Variants in FDXR observed in about 807,000 individuals in gnomAD.
The protein encoded by FDXR is NADPH:adrenodoxin oxidoreductase, mitochondrial.
In FDXR, 38 loss-of-function variants were observed where a neutral mutation model predicts 58.3. The ratio of observed to expected loss-of-function variants is 0.65; its 90% CI spans 0.50 to 0.85. FDXR has a LOEUF of 0.85. Among genes scored for constraint, FDXR ranks in the 40% least tolerant of loss-of-function variants. FDXR has a pLI of 0.00. For synonymous variants in FDXR, 275 were observed against 273.8 expected (o/e 1.00, Z -0.04); for missense variants, 624 against 671.0 (o/e 0.93, Z 0.77).
intron 10 of FDXR, among the ~76,000 whole-genome samples, 185 bp downstream of exon 10, chr17:74,863,708 ATAT>A (rs2038057157): frequency 1.3e-5 from 2 of 152,218 alleles, no homozygotes; most frequent in South Asian, 2.1e-4. Flanking sequence ...CGTATGTCAC[ATAT>A]GTCCTAGCCA....
In FDXR at chr17:74,862,965, T is replaced by C. The variant is rs762199756; in HGVS notation, c.1346-18A>G. On this transcript the variant is annotated intron_variant, in intron 11 of 11. Transcript: ENST00000293195. ...CCGGACCCCTGAAGCAGAGGGGAGA[T>C]TGTCAACACCTCCTCCTTCACCCCT... 5 of 1,608,472 alleles carry C rather than the reference T, an allele frequency of 3.1e-6. No homozygotes were observed. The highest frequency in any genetic ancestry group is 1.3e-5 in the African/African-American group (1 of 74,888).
intron 2 of FDXR, among the ~76,000 whole-genome samples, chr17:74,867,861 T>C (rs689649): frequency 0.83 from 125,993 of 152,032 alleles, 52,821 homozygotes; most frequent in African/African-American, 0.94. Context: ...ATGACAGCTC[T>C]CTCTCATGGC....
intron 2 of FDXR, chr17:74,868,673 C>T (rs1398820066): frequency 1.3e-6 from 2 of 1,534,482 alleles, no homozygotes; most frequent in Non-Finnish European, 1.7e-6. Context: ...TCGTGGCTGA[C>T]CTCATCTTCC....
At chr17:74,871,928 C>T (rs2038386403) in intron 2 of FDXR, 108 bp downstream of exon 2, 1 of 766,962 alleles carries the variant, frequency 1.3e-6, no homozygotes, top group East Asian at 2.9e-5. Flanking sequence ...GGCTGGGAGC[C>T]CCTTCCCCAT....
chr17:74,870,867 A>G lies in FDXR; in HGVS notation c.177+1169T>C, dbSNP rs199885888. On this transcript the variant is annotated intron_variant, in intron 2 of 11. Transcript: ENST00000293195. The stretch of plus-strand genomic sequence containing the variant: ...GCCCAGGCTGGAGTACAGTGATTTG[A>G]TCTTGGCTCAGTGCTACCTCCACCT... Among the ~76,000 whole-genome samples the G allele has an allele frequency of 2.4e-5, 3 of 124,534 alleles. No individual in the cohort carries two copies. The East Asian group carries it at 7.4e-4, about 31-fold the overall frequency. 81.7% of individuals were successfully genotyped at this position (124,534 alleles called of 152,430 possible).
At chr17:74,868,383 C>T (rs2038265002) in intron 2 of FDXR, 1 of 681,380 alleles carries the variant, frequency 1.5e-6, no homozygotes, top group Admixed American at 2.1e-5. Context: ...ATCAGGCAGC[C>T]CGGGGTGCAA....
At chr17:74,871,370 A>G (rs1323996059) in intron 2 of FDXR, among the ~76,000 whole-genome samples, 1 of 152,176 alleles carries the variant, frequency 6.6e-6, no homozygotes, top group Non-Finnish European at 1.5e-5. Flanking sequence ...TTGTCTCTCC[A>G]CGGACACTCC....
At position 74,864,030 on chromosome 17, in the gene FDXR, T is replaced by C; in HGVS notation, c.1040A>G (p.Asp347Gly). The change falls in exon 10 of 12, where the codon GAC (aspartate) becomes GGC (glycine). Residue 347 changes from aspartate to glycine, a missense_variant. Transcript: ENST00000293195. ...DEATRAVPTG[D>G]MEDLPCGLVL... ...CAGCCCACAAGGGAGGTCTTCCATG[T>C]CTCCCGTGGGCACTGCACGGGTGGC... is the stretch of plus-strand genomic sequence containing the variant. 6.2e-7 allele frequency: 1 copy of C among 1,613,988 alleles called. No individual in the cohort carries two copies.
intron 1 of FDXR, chr17:74,872,373 T>G: frequency 1.9e-6 from 2 of 1,067,718 alleles, no homozygotes; most frequent in Non-Finnish European, 2.7e-6. Context: ...CCACTGCCAA[T>G]GGCCTGCCCA....
chr17:74,864,999 A>G (rs201356542), intron 6 of FDXR, 68 bp from the exon 7 acceptor site: 480 of 1,606,432 alleles, frequency 3.0e-4, no homozygotes, highest in Admixed American at 1.5e-3. Flanking sequence ...CCATTTGGTC[A>G]TGTCCCCACC....
intron 2 of FDXR, among the ~76,000 whole-genome samples, chr17:74,870,894 C>T (rs751888185): frequency 1.3e-4 from 19 of 151,092 alleles, no homozygotes; most frequent in Non-Finnish European, 4.4e-5. Flanking sequence ...CCTCCACCTC[C>T]TGGGTTCAAG....
intron 4 of FDXR, 80 bp downstream of exon 4, chr17:74,866,366 C>T (rs2038182642): frequency 1.9e-6 from 3 of 1,584,722 alleles, no homozygotes; most frequent in African/African-American, 1.3e-5. Flanking sequence ...CCTGGCCTCA[C>T]CCCTGCTGCC....
At chr17:74,868,536 C>T in intron 2 of FDXR, 1 of 1,521,654 alleles carries the variant, frequency 6.6e-7, no homozygotes. Flanking sequence ...AACACCTCAC[C>T]CAACCAACCT....
chr17:74,870,797 CTT>C lies in FDXR; in HGVS notation c.177+1237_177+1238del, dbSNP rs200476203. The stretch of plus-strand genomic sequence containing the variant: ...AAGGCAGCTCAAATGCACTGTCTCT[CTT>C]TTTTTTTTTTTTTTTTTTTTTGAGA... On this transcript the variant is annotated intron_variant, in intron 2 of 11. Transcript: ENST00000293195. 6.2e-3 allele frequency among the ~76,000 whole-genome samples: 551 copies of C among 88,408 alleles called. 5 individuals carry two copies. The highest frequency in any genetic ancestry group is 0.022 in the African/African-American group (527 of 23,886). 58.0% of individuals were successfully genotyped at this position (88,408 alleles called of 152,430 possible). A position where few individuals can be genotyped will look rare whatever the true frequency, so the allele number is the denominator to read the frequency against.
At chr17:74,868,541 C>A (rs1201840586) in intron 2 of FDXR, 30 of 1,527,174 alleles carry the variant, frequency 2.0e-5, no homozygotes, top group African/African-American at 2.7e-5. Flanking sequence ...CTCACCCAAC[C>A]AACCTCTCTG....
chr17:74,872,004 G>C, intron 2 of FDXR, 32 bp downstream of exon 2: 16 of 1,486,332 alleles, frequency 1.1e-5, no homozygotes, highest in Non-Finnish European at 1.4e-5. Flanking sequence ...TGGAGCAGCA[G>C]GTGAATGATG....
Position 74,865,722 on chromosome 17 carries a change from C to G in FDXR, c.606G>C (p.Leu202=). 1 of 1,608,908 alleles carries G rather than the reference C, an allele frequency of 6.2e-7. No homozygotes were observed. The highest frequency in any genetic ancestry group is 8.5e-7 in the Non-Finnish European group (1 of 1,178,202). ...CCAGCCCTGACCTACCACTCACCTCCAGGTGCTCAGGTGGGGTCAGTAGGA... is the reference window on the plus strand; with the variant it reads ...CCAGCCCTGACCTACCACTCACCTCGAGGTGCTCAGGTGGGGTCAGTAGGA... The part of the protein sequence containing the change: ...ARILLTPPEH[L]ERTDITKAAL... The change falls in exon 6 of 12, where the codon CTG becomes CTC. Residue 202 remains leucine, a synonymous_variant. Coordinates refer to ENST00000293195, the MANE Select transcript of FDXR (RefSeq NM_024417.5).
chr17:74,870,730 C>G (rs991551424), intron 2 of FDXR, among the ~76,000 whole-genome samples: 2 of 151,906 alleles, frequency 1.3e-5, no homozygotes, highest in African/African-American at 4.8e-5. Context: ...AGGATGACTC[C>G]CCACATGTGG....
At position 74,864,837 on chromosome 17, in the gene FDXR, G is replaced by A; in HGVS notation, c.704C>T (p.Ala235Val). The change falls in exon 7 of 12, where the codon GCC becomes GTC. Residue 235 changes from alanine to valine, a missense_variant. Transcript: ENST00000293195. ...TGGCCCCAGCACCTTAATGGTGAAG[G>A]CCACTTGCAGGGGTCCACGCCGGCC... is the stretch of plus-strand genomic sequence containing the variant. ...LVGRRGPLQV[A>V]FTIKELREMI... 3.7e-6 allele frequency: 6 copies of A among 1,614,038 alleles called. No individual in the cohort carries two copies. The highest frequency in any genetic ancestry group is 5.1e-6 in the Non-Finnish European group (6 of 1,179,990).
Sources: gnomAD v4.1 joint callset for allele counts (sites outside exome capture counted in the v4.1 genomes callset) on GRCh38, gnomAD v4.1.1 for gene constraint, MANE v1.5 for transcripts, NCBI Gene and HGNC (gene_info 2026-07-23, HGNC 2026-07-21) for gene names.